Variants in LRRC72 observed in about 807,000 individuals in gnomAD.
LRRC72 encodes the protein leucine-rich repeat-containing protein 72.
In LRRC72, 41 loss-of-function variants were observed where a neutral mutation model predicts 35.8. That is an observed-to-expected ratio of 1.15 (90% CI 0.89 to 1.49). The LOEUF is 1.49. LRRC72 is among the 40% of genes most tolerant of loss of function. LRRC72 has a pLI of 0.00. For synonymous variants in LRRC72, 118 were observed against 119.2 expected (o/e 0.99, Z 0.07); for missense variants, 389 against 330.7 (o/e 1.18, Z -1.37).
rs564277061 is a variant in LRRC72, at chr7:16,557,340, T to C, written c.235-20T>C. Reference sequence around the variant, plus strand: ...ACAGTTATTATAGAAAGTATATTGTTCTCTAACTCTCATTTTTAGCTCCAT... The same window carrying C: ...ACAGTTATTATAGAAAGTATATTGTCCTCTAACTCTCATTTTTAGCTCCAT... On this transcript the variant is annotated intron_variant, in intron 3 of 8. Transcript: ENST00000401542. 9 of 986,602 alleles carry C rather than the reference T, an allele frequency of 9.1e-6. No individual in the cohort carries two copies. The South Asian group carries it at 2.0e-4, about 22-fold the overall frequency. 61.1% of individuals were successfully genotyped at this position (986,602 alleles called of 1,614,324 possible). A position where few individuals can be genotyped will look rare whatever the true frequency, so the allele number is the denominator to read the frequency against.
At chr7:16,578,006 A>C (rs1008383196) in intron 7 of LRRC72, among the ~76,000 whole-genome samples, 1 of 152,178 alleles carries the variant, frequency 6.6e-6, no homozygotes, top group Non-Finnish European at 1.5e-5. Flanking sequence ...TGACACAGCA[A>C]CTAAATTTGA....
At chr7:16,574,841 C>T (rs560806744) in intron 7 of LRRC72, among the ~76,000 whole-genome samples, 113 of 151,900 alleles carry the variant, frequency 7.4e-4, no homozygotes, top group African/African-American at 2.0e-3. Flanking sequence ...ACTCACCAGG[C>T]ATGGTGGCTC....
intron 5 of LRRC72, among the ~76,000 whole-genome samples, chr7:16,562,052 T>C (rs1278071700): frequency 1.3e-5 from 2 of 152,220 alleles, no homozygotes; most frequent in Admixed American, 6.5e-5. Context: ...GCACCTTCCA[T>C]TGGCATTTAT....
chr7:16,559,430 C>T (rs535906166), intron 5 of LRRC72, among the ~76,000 whole-genome samples: 1 of 151,940 alleles, frequency 6.6e-6, no homozygotes, highest in South Asian at 2.1e-4. Flanking sequence ...GAAAATAAGG[C>T]TAGATCTTAT....
chr7:16,533,654 A>G (rs924835527), intron 2 of LRRC72, among the ~76,000 whole-genome samples: 15 of 152,076 alleles, frequency 9.9e-5, no homozygotes, highest in South Asian at 2.1e-4. Flanking sequence ...ATTATTAAAC[A>G]TATTTATTTT....
intron 5 of LRRC72, among the ~76,000 whole-genome samples, chr7:16,561,785 T>G (rs1275306635): frequency 6.6e-6 from 1 of 152,222 alleles, no homozygotes; most frequent in Non-Finnish European, 1.5e-5. Context: ...TAGTTTGTAT[T>G]TATTAGACAA....
chr7:16,551,767 TAAA>T (rs34443112), intron 3 of LRRC72, among the ~76,000 whole-genome samples: 1 of 139,810 alleles, frequency 7.2e-6, no homozygotes, highest in Non-Finnish European at 1.6e-5. Context: ...TATCCTTTAT[TAAA>T]AAAAAAAAAA....
In LRRC72 at chr7:16,529,165, C is replaced by T. The variant is rs552644663; in HGVS notation, c.90+2123C>T. Among the ~76,000 whole-genome samples, 6 of 152,316 alleles carry T rather than the reference C, an allele frequency of 3.9e-5. No individual in the cohort carries two copies. In the South Asian group the frequency reaches 1.2e-3, roughly 32 times the overall value. On this transcript the variant is annotated intron_variant, in intron 1 of 8. Transcript: ENST00000401542. ...ACATAAATAATATGACCCCAACCCA[C>T]CTTTCTTAATTTATTTCTCACAACT...
At chr7:16,534,530 GA>G in intron 2 of LRRC72, among the ~76,000 whole-genome samples, 1 of 152,076 alleles carries the variant, frequency 6.6e-6, no homozygotes, top group East Asian at 1.9e-4. Context: ...ACTGCTACAA[GA>G]AAAAATTAAT....
At chr7:16,564,378 A>G (rs1471438475) in intron 5 of LRRC72, among the ~76,000 whole-genome samples, 3 of 151,200 alleles carry the variant, frequency 2.0e-5, no homozygotes, top group Non-Finnish European at 2.9e-5. Flanking sequence ...CATGATCCCA[A>G]TGGCTCTTTT....
chr7:16,561,712 A>AT (rs1782746642), intron 5 of LRRC72, among the ~76,000 whole-genome samples: 1 of 152,226 alleles, frequency 6.6e-6, no homozygotes, highest in African/African-American at 2.4e-5. Context: ...AACAAAAAGC[A>AT]TTTTCTAAAA....
intron 7 of LRRC72, among the ~76,000 whole-genome samples, chr7:16,577,064 G>T (rs889981893): frequency 2.0e-5 from 3 of 152,176 alleles, no homozygotes; most frequent in Non-Finnish European, 2.9e-5. Flanking sequence ...CTGACTTTGG[G>T]TAGCTATGAC....
intron 7 of LRRC72, among the ~76,000 whole-genome samples, chr7:16,579,070 T>C (rs1246398626): frequency 6.6e-6 from 1 of 152,218 alleles, no homozygotes; most frequent in East Asian, 1.9e-4. Context: ...TTAGCCGTAT[T>C]GTATACTTGA....
chr7:16,539,510 T>C (rs1256488072), intron 3 of LRRC72, among the ~76,000 whole-genome samples: 1 of 152,130 alleles, frequency 6.6e-6, no homozygotes, highest in South Asian at 2.1e-4. Flanking sequence ...GACCATTAGG[T>C]AAAAAAGAAA....
Position 16,561,107 on chromosome 7 carries a change from T to C in LRRC72, c.427+2108T>C, listed in dbSNP as rs10259333. ...TAAATATTTATAATCTATTCATTCATTCATTTAATAAATGTTTATCACACA... is the reference window on the plus strand; with the variant it reads ...TAAATATTTATAATCTATTCATTCACTCATTTAATAAATGTTTATCACACA... On this transcript the variant is annotated intron_variant, in intron 5 of 8. Coordinates refer to ENST00000401542, the MANE Select transcript of LRRC72 (RefSeq NM_001195280.2). 1.6e-3 allele frequency among the ~76,000 whole-genome samples: 238 copies of C among 152,310 alleles called. 1 individual carries two copies. The highest frequency in any genetic ancestry group is 5.5e-3 in the African/African-American group (229 of 41,570).
At chr7:16,560,842 A>T (rs1782733179) in intron 5 of LRRC72, among the ~76,000 whole-genome samples, 2 of 152,136 alleles carry the variant, frequency 1.3e-5, no homozygotes, top group South Asian at 4.1e-4. Context: ...CTGCTAATAG[A>T]CTCAATAAAA....
intron 7 of LRRC72, among the ~76,000 whole-genome samples, chr7:16,568,100 G>A (rs1162705347): frequency 1.3e-5 from 2 of 152,024 alleles, no homozygotes; most frequent in African/African-American, 4.8e-5. Context: ...AAAAAAATAG[G>A]GGTTTAGTTT....
chr7:16,527,832 T>C (rs1782098804), intron 1 of LRRC72, among the ~76,000 whole-genome samples: 1 of 152,206 alleles, frequency 6.6e-6, no homozygotes, highest in South Asian at 2.1e-4. Context: ...TTTTCTTCTA[T>C]AGGTTTTAAT....
At chr7:16,527,937 A>AAAAATAATTGTGATAAAATTTT in intron 1 of LRRC72, among the ~76,000 whole-genome samples, 1 of 152,080 alleles carries the variant, frequency 6.6e-6, no homozygotes, top group Non-Finnish European at 1.5e-5. Context: ...TGGTGGAAGA[A>AAAAATAATTGTGATAAAATTTT]GCAGCTGCTG....
Sources: allele counts gnomAD v4.1 joint callset (sites outside exome capture counted in the v4.1 genomes callset), GRCh38; gene constraint gnomAD v4.1.1; transcripts MANE v1.5; gene names NCBI Gene and HGNC (gene_info 2026-07-23, HGNC 2026-07-21).